Variants in DENND6B observed in about 807,000 individuals in gnomAD.
DENND6B encodes protein DENND6B.
In DENND6B, 73 loss-of-function variants were observed where a neutral mutation model predicts 85.1. The ratio of observed to expected loss-of-function variants is 0.86; its 90% CI spans 0.71 to 1.04. The LOEUF is 1.04. Ranked by LOEUF, DENND6B falls within the 50% of genes least tolerant of loss-of-function variation. The probability of loss-of-function intolerance (pLI) is 0.00; values close to 1 mark genes in which losing one functional copy is unlikely to be tolerated. For missense variants in DENND6B, 715 were observed against 785.8 expected (o/e 0.91, Z 1.08); for synonymous variants, 357 against 329.3 (o/e 1.08, Z -0.91).
At chr22:50,325,837 C>A (rs1039535313) in intron 1 of DENND6B, among the ~76,000 whole-genome samples, 12 of 152,212 alleles carry the variant, frequency 7.9e-5, no homozygotes, top group African/African-American at 2.7e-4. Context: ...TAATGCTTTT[C>A]TGTTTAGAAG....
intron 1 of DENND6B, among the ~76,000 whole-genome samples, chr22:50,325,305 G>A (rs530601330): frequency 1.0e-3 from 158 of 151,232 alleles, no homozygotes; most frequent in African/African-American, 3.3e-3. Context: ...AAAATAACAC[G>A]AGAATGTCTT....
chr22:50,312,109 G>T lies in DENND6B; in HGVS notation c.*30C>A. ...GAGTGGGAGGCTCAGGCAGACCTAG[G>T]GCCCTGGGACCGTGGCCCTTGGCTT... On this transcript the variant is annotated 3_prime_UTR_variant, in exon 20 of 20. Coordinates refer to ENST00000413817, the MANE Select transcript of DENND6B (RefSeq NM_001001794.4). 1 of 1,608,768 alleles carries T rather than the reference G, an allele frequency of 6.2e-7. No individual in the cohort carries two copies. Among genetic ancestry groups the T allele is most frequent in the Non-Finnish European group, 8.5e-7 (1 of 1,177,894 alleles).
At chr22:50,324,186 C>T (rs75339271) in intron 1 of DENND6B, among the ~76,000 whole-genome samples, 12,938 of 152,212 alleles carry the variant, frequency 0.085, 788 homozygotes, top group South Asian at 0.2. Context: ...AGCTGGACCC[C>T]TCATCTCTCA....
intron 1 of DENND6B, among the ~76,000 whole-genome samples, chr22:50,320,699 G>A (rs2042016617): frequency 6.6e-6 from 1 of 152,200 alleles, no homozygotes; most frequent in South Asian, 2.1e-4. Flanking sequence ...TGAGGGGCTG[G>A]AGATATAGGG....
intron 1 of DENND6B, 84 bp downstream of exon 1, chr22:50,326,728 G>T: frequency 8.3e-7 from 1 of 1,207,516 alleles, no homozygotes; most frequent in Non-Finnish European, 1.1e-6. Context: ...GTGCGGGGCG[G>T]CCGAGGGCCC....
intron 1 of DENND6B, chr22:50,319,261 C>T: frequency 1.0e-6 from 1 of 985,384 alleles, no homozygotes; most frequent in Non-Finnish European, 1.2e-6. Context: ...TGTCTGGCTC[C>T]TTGCTGACCC....
At chr22:50,317,186 T>G (rs538511767) in intron 5 of DENND6B, 107 bp downstream of exon 5, 1 of 1,162,374 alleles carries the variant, frequency 8.6e-7, no homozygotes. Context: ...GCAGGAGGGG[T>G]GGGCACTGCT....
At position 50,310,609 on chromosome 22, in the gene DENND6B, G is replaced by T. The variant is rs999520668; in HGVS notation, c.*1530C>A. ...ACACAAACAGTACGTTGCGCTGAAT[G>T]AAGGCTACATTCCTCGGACTGAATG... On this transcript the variant is annotated 3_prime_UTR_variant, in exon 20 of 20. Transcript: ENST00000413817. The T allele has an allele frequency of 3.7e-4, 57 of 152,220 alleles. No homozygotes were observed. Among genetic ancestry groups the T allele is most frequent in the African/African-American group, 1.2e-3 (51 of 41,448 alleles). 9.4% of individuals were successfully genotyped at this position (152,220 alleles called of 1,614,324 possible).
chr22:50,314,160 C>T (rs368989461), intron 13 of DENND6B, 47 bp downstream of exon 13: 352 of 1,568,624 alleles, frequency 2.2e-4, no homozygotes, highest in Non-Finnish European at 2.9e-4. Context: ...AGGTACAAGA[C>T]AGGCCTCTCC....
At chr22:50,317,772 C>T (rs2147780227) in intron 4 of DENND6B, 136 bp downstream of exon 4, 2 of 853,900 alleles carry the variant, frequency 2.3e-6, no homozygotes, top group South Asian at 3.6e-5. Flanking sequence ...ACTGCAGGGC[C>T]AGTGGGGCCT....
At chr22:50,323,593 G>A (rs1409747391) in intron 1 of DENND6B, among the ~76,000 whole-genome samples, 3 of 151,572 alleles carry the variant, frequency 2.0e-5, no homozygotes, top group African/African-American at 7.3e-5. Context: ...GCCTCATTTT[G>A]TATTTTTTGT....
At chr22:50,315,078 G>T in intron 9 of DENND6B, 157 bp from the exon 10 acceptor site, 1 of 1,127,892 alleles carries the variant, frequency 8.9e-7, no homozygotes, top group Non-Finnish European at 1.2e-6. Flanking sequence ...TGTGTCTCGG[G>T]TAATCATGAC....
Position 50,313,852 on chromosome 22 carries a change from G to C in DENND6B, c.1165C>G (p.Leu389Val). ...TTGAGCAGCGCCTTGTCGCGGTGGA[G>C]GTGGGCCGTGTAAGCGGTGTAGAGG... ...PGLYTAYTAH[L>V]HRDKALLKRL... The change falls in exon 14 of 20, where the codon CTC becomes GTC. Residue 389 changes from leucine (L) to valine (V), a missense_variant. By Grantham distance (32) the Leu-to-Val change is conservative. Transcript: ENST00000413817. 1 of 1,611,678 alleles carries C rather than the reference G, an allele frequency of 6.2e-7. No individual in the cohort carries two copies.
At chr22:50,315,574 A>C in intron 9 of DENND6B, 140 bp downstream of exon 9, 3 of 1,053,978 alleles carry the variant, frequency 2.8e-6, no homozygotes, top group Non-Finnish European at 4.1e-6. Context: ...CTGGCCATAC[A>C]CACACACACG....
At chr22:50,325,034 G>A (rs1481989780) in intron 1 of DENND6B, among the ~76,000 whole-genome samples, 1 of 152,166 alleles carries the variant, frequency 6.6e-6, no homozygotes, top group African/African-American at 2.4e-5. Context: ...GATCTTCCCT[G>A]TGACTTCCAG....
At position 50,311,871 on chromosome 22, in the gene DENND6B, C is replaced by T; in HGVS notation, c.*268G>A. 3.8e-6 allele frequency: 2 copies of T among 524,520 alleles called. No homozygotes were observed. Among genetic ancestry groups the T allele is most frequent in the Non-Finnish European group, 6.7e-6 (2 of 300,560 alleles). 32.5% of individuals were successfully genotyped at this position (524,520 alleles called of 1,614,324 possible). The stretch of plus-strand genomic sequence containing the variant: ...GCAAGGGCTCCCAGCCTGTCCCCGC[C>T]CCCGTCCCAGCCTAAGGTCTGCAGA... On this transcript the variant is annotated 3_prime_UTR_variant, in exon 20 of 20. Transcript: ENST00000413817.
intron 1 of DENND6B, among the ~76,000 whole-genome samples, chr22:50,323,999 G>C (rs1474749446): frequency 1.3e-5 from 2 of 151,882 alleles, no homozygotes; most frequent in Non-Finnish European, 2.9e-5. Flanking sequence ...CCTCCTAAAG[G>C]GCTGGATTAT....
chr22:50,312,457 C>T (rs2068079974), intron 18 of DENND6B, 40 bp from the exon 19 acceptor site: 2 of 1,594,126 alleles, frequency 1.3e-6, no homozygotes, highest in South Asian at 1.1e-5. Context: ...CAAGGCCCCT[C>T]ACTGCCCTGG....
At chr22:50,322,138 G>A (rs573945105) in intron 1 of DENND6B, among the ~76,000 whole-genome samples, 1 of 149,988 alleles carries the variant, frequency 6.7e-6, no homozygotes, top group Non-Finnish European at 1.5e-5. Context: ...ACAGTGGCGC[G>A]ATCTCAGCTC....
Sources: gnomAD v4.1 joint callset for allele counts (sites outside exome capture counted in the v4.1 genomes callset) on GRCh38, gnomAD v4.1.1 for gene constraint, MANE v1.5 for transcripts, NCBI Gene and HGNC (gene_info 2026-07-23, HGNC 2026-07-21) for gene names.